The following SEMA5A variants were observed in gnomAD, a reference collection of about 807,000 sequenced individuals.
The protein encoded by SEMA5A is semaphorin 5A.
A neutral mutation model predicts 135.5 loss-of-function variants in SEMA5A; 55 were observed. That is an observed-to-expected ratio of 0.41 (90% CI 0.33 to 0.51). SEMA5A has a LOEUF of 0.51. Ranked by LOEUF, SEMA5A falls within the 20% of genes least tolerant of loss-of-function variation. SEMA5A has a pLI of 0.37. For missense variants in SEMA5A, 1,290 were observed against 1,419.9 expected (o/e 0.91, Z 1.47); for synonymous variants, 580 against 546.5 (o/e 1.06, Z -0.85).
chr5:9,063,621 T>C (rs929323039), intron 17 of SEMA5A, among the ~76,000 whole-genome samples: 1 of 152,220 alleles, frequency 6.6e-6, no homozygotes, highest in Non-Finnish European at 1.5e-5. Flanking sequence ...TGCTTCTGGA[T>C]CACAGGCCTG....
At chr5:9,324,079 T>TTTTA (rs1561146721) in intron 4 of SEMA5A, among the ~76,000 whole-genome samples, 3 of 151,516 alleles carry the variant, frequency 2.0e-5, no homozygotes, top group African/African-American at 7.3e-5. Flanking sequence ...ATTTTATTTT[T>TTTTA]TTTTTTTGAG....
intron 1 of SEMA5A, among the ~76,000 whole-genome samples, chr5:9,464,487 G>A (rs1031375613): frequency 1.3e-5 from 2 of 152,160 alleles, no homozygotes; most frequent in African/African-American, 4.8e-5. Context: ...GTTTACTCAC[G>A]TACCCCTTTT....
chr5:9,332,758 G>T (rs925928950), intron 4 of SEMA5A, among the ~76,000 whole-genome samples: 9 of 152,254 alleles, frequency 5.9e-5, no homozygotes, highest in Admixed American at 5.9e-4. Flanking sequence ...AGTGCCTTTT[G>T]TTCCCTTGGT....
intron 1 of SEMA5A, among the ~76,000 whole-genome samples, chr5:9,487,483 C>A (rs1301131768): frequency 6.6e-6 from 1 of 152,018 alleles, no homozygotes; most frequent in Non-Finnish European, 1.5e-5. Flanking sequence ...GGCGTCAAGG[C>A]TGAAGGGTGG....
intron 16 of SEMA5A, among the ~76,000 whole-genome samples, chr5:9,105,812 A>G (rs7707309): frequency 0.12 from 17,685 of 152,280 alleles, 1,587 homozygotes; most frequent in East Asian, 0.32. Flanking sequence ...ATAGAACTCA[A>G]TAAAAACCGA....
At chr5:9,396,355 T>C (rs1210305904) in intron 2 of SEMA5A, among the ~76,000 whole-genome samples, 1 of 152,134 alleles carries the variant, frequency 6.6e-6, no homozygotes, top group Non-Finnish European at 1.5e-5. Flanking sequence ...TCCAAAGGAA[T>C]TCATCAGATA....
chr5:9,528,024 G>A (rs948127403), intron 1 of SEMA5A, among the ~76,000 whole-genome samples: 30 of 152,236 alleles, frequency 2.0e-4, no homozygotes, highest in South Asian at 4.1e-4. Context: ...ACATTTGCAC[G>A]TAGCATTTCC....
chr5:9,271,683 T>C (rs1172806881), intron 5 of SEMA5A, among the ~76,000 whole-genome samples: 2 of 152,066 alleles, frequency 1.3e-5, no homozygotes, highest in African/African-American at 4.8e-5. Flanking sequence ...ACCTAGTGCA[T>C]CTCATTGGGA....
At chr5:9,083,746 T>C (rs1419206392) in intron 16 of SEMA5A, among the ~76,000 whole-genome samples, 1 of 152,168 alleles carries the variant, frequency 6.6e-6, no homozygotes, top group Admixed American at 6.5e-5. Context: ...AAGGAAGACA[T>C]GTGGAAGTGC....
chr5:9,191,819 GCTC>G (rs1745128447), intron 10 of SEMA5A, among the ~76,000 whole-genome samples: 1 of 151,878 alleles, frequency 6.6e-6, no homozygotes, highest in Non-Finnish European at 1.5e-5. Flanking sequence ...TAGGTGAAGG[GCTC>G]AGCCCTGCCA....
chr5:9,429,463 T>A (rs1265145520), intron 2 of SEMA5A, among the ~76,000 whole-genome samples: 1 of 152,186 alleles, frequency 6.6e-6, no homozygotes, highest in Admixed American at 6.5e-5. Context: ...AGAGCTTACA[T>A]GAGAAGGCAG....
At chr5:9,455,999 A>C (rs1758820143) in intron 1 of SEMA5A, among the ~76,000 whole-genome samples, 1 of 152,252 alleles carries the variant, frequency 6.6e-6, no homozygotes, top group African/African-American at 2.4e-5. Context: ...GAAAGGGATG[A>C]AAAGAATTTC....
At chr5:9,058,078 A>G (rs909261111) in intron 18 of SEMA5A, among the ~76,000 whole-genome samples, 3 of 152,254 alleles carry the variant, frequency 2.0e-5, no homozygotes, top group Non-Finnish European at 1.5e-5. Context: ...TGGAAGGCAC[A>G]GCATGTCAGG....
intron 2 of SEMA5A, among the ~76,000 whole-genome samples, chr5:9,408,073 C>T (rs1262248846): frequency 1.3e-5 from 2 of 151,878 alleles, no homozygotes; most frequent in Non-Finnish European, 2.9e-5. Context: ...CACCACACCA[C>T]ACCACAATCA....
intron 1 of SEMA5A, among the ~76,000 whole-genome samples, chr5:9,494,552 T>C (rs1483468734): frequency 6.6e-6 from 1 of 152,024 alleles, no homozygotes; most frequent in African/African-American, 2.4e-5. Flanking sequence ...CAGGCCCTGA[T>C]CTTCTCACTT....
intron 2 of SEMA5A, among the ~76,000 whole-genome samples, chr5:9,430,082 G>C (rs973267585): frequency 6.6e-6 from 1 of 152,162 alleles, no homozygotes; most frequent in Non-Finnish European, 1.5e-5. Flanking sequence ...TAAGATATTG[G>C]ATATATGTTG....
At chr5:9,052,148 T>C in intron 19 of SEMA5A, 120 bp from the exon 20 acceptor site, 1 of 1,092,900 alleles carries the variant, frequency 9.1e-7, no homozygotes, top group Non-Finnish European at 1.3e-6. Flanking sequence ...ATATTTTTAA[T>C]GGTTCTGTGC....
At chr5:9,395,861 C>T (rs1465632360) in intron 2 of SEMA5A, among the ~76,000 whole-genome samples, 1 of 152,144 alleles carries the variant, frequency 6.6e-6, no homozygotes, top group Non-Finnish European at 1.5e-5. Context: ...CTGCAGTTCT[C>T]TTTGATTATG....
At chr5:9,353,304 G>A (rs1452330436) in intron 3 of SEMA5A, among the ~76,000 whole-genome samples, 2 of 98,904 alleles carry the variant, frequency 2.0e-5, no homozygotes, top group Admixed American at 1.2e-4. Context: ...GAAGGGAAGG[G>A]AAGGGAAGGG....
Sources: gnomAD v4.1 joint callset for allele counts (sites outside exome capture counted in the v4.1 genomes callset) on GRCh38, gnomAD v4.1.1 for gene constraint, MANE v1.5 for transcripts, NCBI Gene and HGNC (gene_info 2026-07-23, HGNC 2026-07-21) for gene names.